Variants in GMPR observed in about 807,000 individuals in gnomAD.
GMPR encodes guanosine monophosphate reductase.
Under a neutral mutation model 38.4 loss-of-function variants are expected in GMPR, and 31 were observed. The ratio of observed to expected loss-of-function variants is 0.81; its 90% CI spans 0.61 to 1.09. The LOEUF is 1.09. Among genes scored for constraint, GMPR ranks in the 50% least tolerant of loss-of-function variants. The pLI, the probability that GMPR is intolerant of heterozygous loss-of-function variation, is 0.00. For synonymous variants in GMPR, 162 were observed against 173.3 expected, an observed-to-expected ratio of 0.93 and a Z score of 0.51; for missense variants, 468 against 453.7, an observed-to-expected ratio of 1.03 and a Z score of -0.29.
Position 16,289,270 on chromosome 6 carries a change from C to T in GMPR, c.698-1192C>T, listed in dbSNP as rs181858482. On this transcript the variant is annotated intron_variant, in intron 7 of 8. Coordinates refer to ENST00000259727, the MANE Select transcript of GMPR (RefSeq NM_006877.4). ...TTACACTCACAGTGAGAGTCTATGG[C>T]TTCATTCTTGAAGTCAGTGAGACCA... 1.8e-3 allele frequency among the ~76,000 whole-genome samples: 272 copies of T among 152,310 alleles called. 1 individual carries two copies. The highest frequency in any genetic ancestry group is 5.6e-3 in the African/African-American group (231 of 41,578).
At chr6:16,269,165 A>T (rs1253184519) in intron 4 of GMPR, among the ~76,000 whole-genome samples, 1 of 152,132 alleles carries the variant, frequency 6.6e-6, no homozygotes, top group South Asian at 2.1e-4. Context: ...ATAAAGCACC[A>T]CCAAGAGCTG....
At chr6:16,255,213 A>G (rs951178054) in intron 4 of GMPR, among the ~76,000 whole-genome samples, 2 of 151,978 alleles carry the variant, frequency 1.3e-5, no homozygotes, top group Non-Finnish European at 2.9e-5. Flanking sequence ...GGGTTGCACC[A>G]TGTTGGCCAG....
intron 4 of GMPR, 114 bp downstream of exon 4, chr6:16,254,849 G>A (rs1035953786): frequency 1.4e-4 from 101 of 699,682 alleles, no homozygotes; most frequent in East Asian, 1.2e-3. Flanking sequence ...TGCCTCTTTA[G>A]TCAAAGATTA....
intron 8 of GMPR, among the ~76,000 whole-genome samples, chr6:16,293,414 A>G (rs1759876001): frequency 2.0e-5 from 3 of 152,200 alleles, no homozygotes; most frequent in African/African-American, 7.2e-5. Flanking sequence ...GGTATGGCCA[A>G]TGACTGGCTT....
chr6:16,280,035 T>C (rs376978282), intron 6 of GMPR, among the ~76,000 whole-genome samples: 1 of 152,118 alleles, frequency 6.6e-6, no homozygotes, highest in African/African-American at 2.4e-5. Flanking sequence ...GAGTAGGTGC[T>C]TGGGGGGCAC....
chr6:16,279,206 G>C (rs1204044725), intron 6 of GMPR, among the ~76,000 whole-genome samples: 1 of 152,140 alleles, frequency 6.6e-6, no homozygotes, highest in Non-Finnish European at 1.5e-5. Context: ...CAGACTGGGG[G>C]CTTCAATTTC....
At chr6:16,268,572 G>C (rs1310497915) in intron 4 of GMPR, among the ~76,000 whole-genome samples, 1 of 152,144 alleles carries the variant, frequency 6.6e-6, no homozygotes, top group Admixed American at 6.5e-5. Context: ...GAGCCACCGC[G>C]CCTGCCGATA....
At chr6:16,294,945 A>T in intron 8 of GMPR, 61 bp from the exon 9 acceptor site, 3 of 1,347,742 alleles carry the variant, frequency 2.2e-6, no homozygotes, top group East Asian at 4.7e-5. Flanking sequence ...GAGTAATTCT[A>T]ATTGGGCTCT....
chr6:16,239,187 C>G (rs141194895), intron 1 of GMPR, among the ~76,000 whole-genome samples: 2 of 152,316 alleles, frequency 1.3e-5, no homozygotes, highest in East Asian at 3.9e-4. Context: ...TCTCCTAGTG[C>G]TGATAATTGC....
At chr6:16,287,632 C>T (rs1399557649) in intron 7 of GMPR, among the ~76,000 whole-genome samples, 1 of 152,198 alleles carries the variant, frequency 6.6e-6, no homozygotes, top group African/African-American at 2.4e-5. Context: ...GACATCTGCT[C>T]CTTTGCAGCT....
At chr6:16,275,448 G>A (rs1759455807) in intron 5 of GMPR, among the ~76,000 whole-genome samples, 1 of 152,106 alleles carries the variant, frequency 6.6e-6, no homozygotes, top group Non-Finnish European at 1.5e-5. Context: ...GAGAATATTA[G>A]GAAGAAGAAC....
intron 6 of GMPR, among the ~76,000 whole-genome samples, chr6:16,282,284 TG>T (rs1561833161): frequency 7.5e-6 from 1 of 132,858 alleles, no homozygotes; most frequent in Non-Finnish European, 1.6e-5. Context: ...CCTGCATAGG[TG>T]AAGATTAAGG....
chr6:16,276,670 G>A (rs1163211345), intron 5 of GMPR, among the ~76,000 whole-genome samples: 1 of 152,144 alleles, frequency 6.6e-6, no homozygotes, highest in Admixed American at 6.6e-5. Context: ...CAATGCATGG[G>A]AGCTACTTCT....
At chr6:16,285,017 C>CAAAAAA (rs1230598044) in intron 6 of GMPR, among the ~76,000 whole-genome samples, 1 of 35,092 alleles carries the variant, frequency 2.8e-5, no homozygotes, top group Non-Finnish European at 5.7e-5. Flanking sequence ...GAGACTGTCT[C>CAAAAAA]AAAAAAAAAA....
intron 2 of GMPR, among the ~76,000 whole-genome samples, chr6:16,249,697 G>T (rs556593600): frequency 5.9e-5 from 9 of 152,190 alleles, no homozygotes; most frequent in African/African-American, 2.2e-4. Context: ...AAAATTAAAT[G>T]AAACGACTGA....
intron 7 of GMPR, 151 bp from the exon 8 acceptor site, chr6:16,290,311 G>A: frequency 4.2e-6 from 3 of 706,122 alleles, no homozygotes; most frequent in African/African-American, 1.8e-5. Flanking sequence ...CTTTTTCCAG[G>A]AGGAGACAGG....
At chr6:16,292,405 G>T (rs577549174) in intron 8 of GMPR, among the ~76,000 whole-genome samples, 2 of 152,088 alleles carry the variant, frequency 1.3e-5, no homozygotes, top group African/African-American at 4.8e-5. Flanking sequence ...TCTTGGTGGT[G>T]AACCCCAATA....
At chr6:16,239,098 T>C (rs1205799621) in intron 1 of GMPR, among the ~76,000 whole-genome samples, 2 of 152,044 alleles carry the variant, frequency 1.3e-5, no homozygotes, top group African/African-American at 4.8e-5. Flanking sequence ...CGAGGGCGCT[T>C]ATAGCAAGAA....
At chr6:16,285,764 G>GTCCT (rs750050467) in intron 6 of GMPR, 29 bp from the exon 7 acceptor site, 2 of 1,606,030 alleles carry the variant, frequency 1.2e-6, no homozygotes, top group East Asian at 4.5e-5. Flanking sequence ...CGCTGATGAT[G>GTCCT]TCCTGTCCTT....
Sources: allele counts gnomAD v4.1 joint callset (sites outside exome capture counted in the v4.1 genomes callset), GRCh38; gene constraint gnomAD v4.1.1; transcripts MANE v1.5; gene names NCBI Gene and HGNC (gene_info 2026-07-23, HGNC 2026-07-21).